ADRA1A: variants seen among roughly 807,000 people sequenced by gnomAD.
ADRA1A encodes alpha-1A adrenergic receptor.
Under a neutral mutation model 29.6 loss-of-function variants are expected in ADRA1A, and 31 were observed. The observed-to-expected ratio is 1.05, with a 90% CI of 0.79 to 1.41. ADRA1A has a LOEUF of 1.41. Among genes scored for constraint, ADRA1A ranks in the 40% most tolerant of loss-of-function variants. The pLI is 0.00. For synonymous variants in ADRA1A, 311 were observed against 254.3 expected, an observed-to-expected ratio of 1.22 and a Z score of -2.12; for missense variants, 619 against 601.1, an observed-to-expected ratio of 1.03 and a Z score of -0.31.
At chr8:26,808,993 C>G (rs957731704) in intron 2 of ADRA1A, among the ~76,000 whole-genome samples, 1 of 152,140 alleles carries the variant, frequency 6.6e-6, no homozygotes, top group South Asian at 2.1e-4. Flanking sequence ...TAATGAGAAA[C>G]TTGCTTTCTC....
At chr8:26,814,731 C>T (rs1208144539) in intron 2 of ADRA1A, among the ~76,000 whole-genome samples, 1 of 152,140 alleles carries the variant, frequency 6.6e-6, no homozygotes, top group Non-Finnish European at 1.5e-5. Context: ...TTTGTGTTGG[C>T]CAAATGATAA....
chr8:26,812,633 A>T (rs1585742105), intron 2 of ADRA1A, among the ~76,000 whole-genome samples: 1 of 32,980 alleles, frequency 3.0e-5, no homozygotes, highest in Non-Finnish European at 5.9e-5. Flanking sequence ...TTTTATTTTT[A>T]TTTATTTATT....
intron 2 of ADRA1A, among the ~76,000 whole-genome samples, chr8:26,808,700 CTAAGA>C (rs1809171329): frequency 6.6e-6 from 1 of 152,264 alleles, no homozygotes; most frequent in Non-Finnish European, 1.5e-5. Flanking sequence ...CTCCTACTCA[CTAAGA>C]TAAGAAACTT....
At chr8:26,854,130 C>T (rs1812830218) in intron 2 of ADRA1A, 1 of 152,284 alleles carries the variant, frequency 6.6e-6, no homozygotes, top group South Asian at 2.1e-4. Flanking sequence ...GGAAAGACTT[C>T]CCTGTCTTCC....
chr8:26,847,068 G>A (rs866176122), intron 2 of ADRA1A, among the ~76,000 whole-genome samples: 3 of 152,086 alleles, frequency 2.0e-5, no homozygotes, highest in Non-Finnish European at 2.9e-5. Context: ...GGGGACTGTC[G>A]TGGGGTGGGG....
rs908571981 is a variant in ADRA1A, at chr8:26,796,678, A to T, written c.884-26012T>A. On this transcript the variant is annotated intron_variant, in intron 2 of 2. Transcript: ENST00000380573. This position sits in a 1 kb window ranked among gnomAD's most constrained non-coding sequence, Gnocchi z 5.0. ...AGGGTATTTTAAATGAAGGGGAATG[A>T]TGCTAAAGGAGGGTCAGTGTAAAAG... 2.6e-5 allele frequency among the ~76,000 whole-genome samples: 4 copies of T among 152,136 alleles called. No individual in the cohort carries two copies. Among genetic ancestry groups the T allele is most frequent in the African/African-American group, 9.7e-5 (4 of 41,438 alleles).
downstream of ADRA1A, among the ~76,000 whole-genome samples, chr8:26,755,340 C>T (rs1191638098): frequency 1.3e-5 from 2 of 152,138 alleles, no homozygotes; most frequent in African/African-American, 4.8e-5. Flanking sequence ...GCCTTGGACT[C>T]ATCCCTGACT....
chr8:26,845,474 A>T (rs34514036), intron 2 of ADRA1A, among the ~76,000 whole-genome samples: 5,548 of 152,294 alleles, frequency 0.036, 162 homozygotes, highest in Non-Finnish European at 0.055. Context: ...GCCCTCAAAC[A>T]TTGCTGGTGG....
intron 2 of ADRA1A, among the ~76,000 whole-genome samples, chr8:26,778,780 A>T (rs1443284002): frequency 9.0e-6 from 1 of 111,446 alleles, no homozygotes; most frequent in Non-Finnish European, 1.7e-5. Flanking sequence ...AACATCACAC[A>T]CTGGGGCCTG....
At chr8:26,766,665 G>A (rs1437794928), downstream of ADRA1A, among the ~76,000 whole-genome samples, 1 of 152,112 alleles carries the variant, frequency 6.6e-6, no homozygotes, top group African/African-American at 2.4e-5. Context: ...GAGGAAGGGG[G>A]GCTATGGAAA....
chr8:26,772,995 T>C (rs1285592710), intron 2 of ADRA1A, among the ~76,000 whole-genome samples: 3 of 152,240 alleles, frequency 2.0e-5, no homozygotes, highest in African/African-American at 7.2e-5. Context: ...GAATGCCTGA[T>C]TTGAAACAGG....
intron 2 of ADRA1A, among the ~76,000 whole-genome samples, chr8:26,790,275 C>T (rs1490563688): frequency 6.6e-6 from 1 of 152,108 alleles, no homozygotes; most frequent in Non-Finnish European, 1.5e-5. Context: ...CTACTCAGCC[C>T]TAAAAAAGAA....
chr8:26,795,346 A>G (rs546892953), intron 2 of ADRA1A, among the ~76,000 whole-genome samples: 1 of 152,170 alleles, frequency 6.6e-6, no homozygotes, highest in Non-Finnish European at 1.5e-5. Flanking sequence ...AATGAGTTTC[A>G]ATTAGTAAAA....
At chr8:26,781,208 C>T (rs10098820) in intron 2 of ADRA1A, among the ~76,000 whole-genome samples, 21,050 of 152,154 alleles carry the variant, frequency 0.14, 1,503 homozygotes, top group Middle Eastern at 0.24. Flanking sequence ...ACTATAAACT[C>T]CCTTGAAGGA....
downstream of ADRA1A, among the ~76,000 whole-genome samples, chr8:26,764,176 C>T (rs981853170): frequency 6.6e-6 from 1 of 152,120 alleles, no homozygotes; most frequent in African/African-American, 2.4e-5. Flanking sequence ...TGCAATGACC[C>T]ACAGGCTGAC....
intron 2 of ADRA1A, among the ~76,000 whole-genome samples, chr8:26,809,869 G>T (rs1251249754): frequency 6.6e-6 from 1 of 152,134 alleles, no homozygotes; most frequent in Non-Finnish European, 1.5e-5. Context: ...TCTCTAAATA[G>T]CTCGCTATAT....
chr8:26,794,663 A>C (rs1197191305), intron 2 of ADRA1A, among the ~76,000 whole-genome samples: 1 of 152,068 alleles, frequency 6.6e-6, no homozygotes, highest in Non-Finnish European at 1.5e-5. Context: ...AAAATGAAAA[A>C]ATTGTATTTA....
rs1027449232 is a variant in ADRA1A at position 26,823,855 on chromosome 8, A to G, written c.883+40232T>C. On this transcript the variant is annotated intron_variant, in intron 2 of 2. Coordinates refer to ENST00000380573, the MANE Select transcript of ADRA1A (RefSeq NM_000680.4). The surrounding 1 kb of genome is among the most constrained non-coding windows in gnomAD (Gnocchi z 4.2). ...TATGGCTTGGTCAAAACCCCACAAT[A>G]TAGTAAGACAGCGGCAGAATTGGAA... is the stretch of plus-strand genomic sequence containing the variant. Among the ~76,000 whole-genome samples, 4 of 152,168 alleles carry G rather than the reference A, an allele frequency of 2.6e-5. No individual in the cohort carries two copies. The highest frequency in any genetic ancestry group is 5.9e-5 in the Non-Finnish European group (4 of 68,026).
In ADRA1A at chr8:26,864,703, T is replaced by C. The variant is rs1813765818; in HGVS notation, c.267A>G (p.Leu89=). The change falls in exon 2 of 3, where the codon CTA becomes CTG. Residue 89 remains leucine, a synonymous_variant. Transcript: ENST00000380573. This position sits in a 1 kb window ranked among gnomAD's most constrained non-coding sequence, Gnocchi z 8.1. ...AGACCCTGCCGAAGGCCCAGTAGCCTAGGACCTCGAAGATGGCGGAGAAGG... is the reference window on the plus strand; with the variant it reads ...AGACCCTGCCGAAGGCCCAGTAGCCCAGGACCTCGAAGATGGCGGAGAAGG... ...VLPFSAIFEV[L]GYWAFGRVFC... The C allele has an allele frequency of 5.0e-6, 8 of 1,613,996 alleles. No individual in the cohort carries two copies. The highest frequency in any genetic ancestry group is 5.9e-6 in the Non-Finnish European group (7 of 1,179,984).
Sources: gnomAD v4.1 joint callset for allele counts (sites outside exome capture counted in the v4.1 genomes callset) on GRCh38, gnomAD v4.1.1 for gene constraint, Gnocchi (gnomAD v3.1) non-coding constraint, MANE v1.5 for transcripts, NCBI Gene and HGNC (gene_info 2026-07-23, HGNC 2026-07-21) for gene names.